DENND1A: variants seen among roughly 807,000 people sequenced by gnomAD.
DENND1A encodes the protein DENN domain containing 1A, also known as DENN domain-containing protein 1A.
Under a neutral mutation model 113.7 loss-of-function variants are expected in DENND1A, and 51 were observed. The observed-to-expected ratio is 0.45, with a 90% CI of 0.36 to 0.57. DENND1A has a LOEUF of 0.57. Among genes scored for constraint, DENND1A ranks in the 20% least tolerant of loss-of-function variants. The pLI, the probability that DENND1A is intolerant of heterozygous loss-of-function variation, is 0.00. For missense variants in DENND1A, 1,258 were observed against 1,395.9 expected (o/e 0.90, Z 1.57); for synonymous variants, 565 against 570.8 (o/e 0.99, Z 0.14).
chr9:123,841,179 G>A (rs544114867), intron 2 of DENND1A, among the ~76,000 whole-genome samples: 37 of 152,202 alleles, frequency 2.4e-4, no homozygotes, highest in South Asian at 8.3e-4. Context: ...AGACCCTACC[G>A]TACACTTTGT....
intron 10 of DENND1A, among the ~76,000 whole-genome samples, chr9:123,616,769 G>T (rs1354824013): frequency 6.6e-6 from 1 of 152,204 alleles, no homozygotes; most frequent in Non-Finnish European, 1.5e-5. Context: ...GGCTCCTGGG[G>T]AGGGAAAAGT....
At chr9:123,648,750 T>C (rs567728373) in intron 9 of DENND1A, among the ~76,000 whole-genome samples, 27 of 152,366 alleles carry the variant, frequency 1.8e-4, no homozygotes, top group African/African-American at 6.3e-4. Context: ...GTCTTCTAAA[T>C]GTTTTTAAAT....
intron 3 of DENND1A, among the ~76,000 whole-genome samples, chr9:123,775,127 T>C (rs975930330): frequency 6.6e-6 from 1 of 152,202 alleles, no homozygotes; most frequent in Non-Finnish European, 1.5e-5. Flanking sequence ...TAATTTTAAA[T>C]CTTACACAAA....
intron 13 of DENND1A, among the ~76,000 whole-genome samples, chr9:123,534,177 T>C (rs1451426078): frequency 1.3e-5 from 2 of 152,194 alleles, no homozygotes; most frequent in Non-Finnish European, 2.9e-5. Flanking sequence ...TTCCTCACAT[T>C]GTCTTAAGAG....
At chr9:123,527,851 T>C (rs936434435) in intron 13 of DENND1A, among the ~76,000 whole-genome samples, 1 of 152,196 alleles carries the variant, frequency 6.6e-6, no homozygotes, top group African/African-American at 2.4e-5. Context: ...TGAATCAGCT[T>C]CTAACCTTGA....
chr9:123,820,611 A>T (rs971205181), intron 2 of DENND1A, among the ~76,000 whole-genome samples: 6 of 152,208 alleles, frequency 3.9e-5, no homozygotes, highest in African/African-American at 1.4e-4. Context: ...GAAGCATGAG[A>T]GATAATAAAT....
chr9:123,577,001 G>A (rs1271544601), intron 12 of DENND1A, among the ~76,000 whole-genome samples: 1 of 151,656 alleles, frequency 6.6e-6, no homozygotes, highest in Non-Finnish European at 1.5e-5. Flanking sequence ...GAGCTTCTTG[G>A]AGCTCTGAGT....
chr9:123,742,682 A>C (rs1159603751), intron 5 of DENND1A, among the ~76,000 whole-genome samples: 2 of 152,174 alleles, frequency 1.3e-5, no homozygotes, highest in African/African-American at 4.8e-5. Context: ...AGTTTGTGAA[A>C]GCATAAAACA....
intron 1 of DENND1A, among the ~76,000 whole-genome samples, chr9:123,896,700 G>C (rs1485323485): frequency 6.6e-6 from 1 of 152,000 alleles, no homozygotes; most frequent in Non-Finnish European, 1.5e-5. Flanking sequence ...AACTGAAAAA[G>C]AACAAAATAG....
intron 2 of DENND1A, among the ~76,000 whole-genome samples, chr9:123,861,167 T>C (rs1845004956): frequency 1.3e-5 from 2 of 152,302 alleles, no homozygotes; most frequent in Non-Finnish European, 2.9e-5. Flanking sequence ...AAAAATCCCA[T>C]GTAAGACCCT....
chr9:123,783,869 G>A (rs764684824), intron 3 of DENND1A, among the ~76,000 whole-genome samples: 8 of 152,288 alleles, frequency 5.3e-5, no homozygotes, highest in Non-Finnish European at 8.8e-5. Context: ...CATTTGAAGC[G>A]TTCACAGATT....
chr9:123,681,470 C>T (rs569998556), intron 5 of DENND1A, among the ~76,000 whole-genome samples: 20 of 152,022 alleles, frequency 1.3e-4, no homozygotes, highest in African/African-American at 3.9e-4. Context: ...AGGAGGGTGG[C>T]GCTGTGTAGG....
intron 5 of DENND1A, among the ~76,000 whole-genome samples, chr9:123,714,688 C>A (rs1330316745): frequency 6.6e-6 from 1 of 152,122 alleles, no homozygotes; most frequent in East Asian, 1.9e-4. Flanking sequence ...AGAAAAACAG[C>A]ACAGTTTCAC....
At chr9:123,796,792 T>C (rs895641675) in intron 2 of DENND1A, among the ~76,000 whole-genome samples, 23 of 112,140 alleles carry the variant, frequency 2.1e-4, no homozygotes, top group African/African-American at 7.7e-4. Context: ...CACACACACA[T>C]CTTACCAAAT....
At chr9:123,834,178 A>C (rs898871229) in intron 2 of DENND1A, among the ~76,000 whole-genome samples, 1 of 152,250 alleles carries the variant, frequency 6.6e-6, no homozygotes, top group Non-Finnish European at 1.5e-5. Flanking sequence ...TTGCCAAAAG[A>C]AAATAGATAA....
At chr9:123,831,079 T>G (rs1840144503) in intron 2 of DENND1A, among the ~76,000 whole-genome samples, 1 of 152,086 alleles carries the variant, frequency 6.6e-6, no homozygotes, top group African/African-American at 2.4e-5. Context: ...GATAAATTAT[T>G]GGAATCAATA....
intron 2 of DENND1A, among the ~76,000 whole-genome samples, chr9:123,877,435 G>A (rs1160028326): frequency 6.6e-6 from 1 of 152,084 alleles, no homozygotes; most frequent in African/African-American, 2.4e-5. Flanking sequence ...GTTGCAGTGA[G>A]CCGAGATCAT....
chr9:123,912,891 G>A (rs539009857), intron 1 of DENND1A, among the ~76,000 whole-genome samples: 7 of 152,194 alleles, frequency 4.6e-5, no homozygotes, highest in African/African-American at 1.7e-4. Context: ...CCCAGTGGGA[G>A]CAAGAATAAG....
rs112380220 is a variant in DENND1A, at chr9:123,595,877, A to G, written c.766-12607T>C. 1.1e-4 allele frequency among the ~76,000 whole-genome samples: 16 copies of G among 152,116 alleles called. 1 individual carries two copies. The highest frequency in any genetic ancestry group is 3.9e-4 in the African/African-American group (16 of 41,512). The stretch of plus-strand genomic sequence containing the variant: ...ATCCACTCTAGAAATCCACCCCAAC[A>G]CAGAACCTCCATCCAGCCTGGCCTC... On this transcript the variant is annotated intron_variant, in intron 11 of 23. Transcript: ENST00000394215.
Sources: allele counts gnomAD v4.1 joint callset (sites outside exome capture counted in the v4.1 genomes callset), GRCh38; gene constraint gnomAD v4.1.1; transcripts MANE v1.5; gene names NCBI Gene and HGNC (gene_info 2026-07-23, HGNC 2026-07-21).